Variants in FRK observed in about 807,000 individuals in gnomAD.
FRK encodes tyrosine-protein kinase FRK.
A neutral mutation model predicts 56.4 loss-of-function variants in FRK; 51 were observed. The observed-to-expected ratio is 0.90, with a 90% confidence interval of 0.72 to 1.14. The LOEUF is 1.14. Among genes scored for constraint, FRK ranks in the 50% most tolerant of loss-of-function variants. FRK has a pLI of 0.00. For synonymous variants in FRK, 245 were observed against 217.9 expected, an observed-to-expected ratio of 1.12 and a Z score of -1.10; for missense variants, 570 against 601.4, an observed-to-expected ratio of 0.95 and a Z score of 0.55.
At position 116,060,276 on chromosome 6, in the gene FRK, T is replaced by C; in HGVS notation, c.36A>G (p.Leu12=). The C allele has an allele frequency of 6.2e-7, 1 of 1,614,140 alleles. No homozygotes were observed. The highest frequency in any genetic ancestry group is 1.3e-5 in the African/African-American group (1 of 75,054). ...TGGACAAACAGGGGAGATAGGGTTCTAGGTACTCCCAGAGCCTCTGACAGA... is the reference window on the plus strand; with the variant it reads ...TGGACAAACAGGGGAGATAGGGTTCCAGGTACTCCCAGAGCCTCTGACAGA... ...SNICQRLWEY[L]EPYLPCLSTE... is the part of the protein sequence containing the mutation. Residue 12 remains leucine (L), a synonymous_variant, in exon 1 of 8, where the codon CTA becomes CTG. Transcript: ENST00000606080.
intron 5 of FRK, among the ~76,000 whole-genome samples, chr6:115,949,307 C>T (rs1350247419): frequency 2.0e-5 from 3 of 152,196 alleles, no homozygotes; most frequent in Non-Finnish European, 4.4e-5. Context: ...CTGGCCAGAA[C>T]TTCCAATACT....
chr6:116,028,365 G>A (rs923469759), intron 1 of FRK, among the ~76,000 whole-genome samples: 1 of 151,872 alleles, frequency 6.6e-6, no homozygotes, highest in Non-Finnish European at 1.5e-5. Context: ...TCTTAACATA[G>A]GGTGTGGACT....
At chr6:116,024,267 T>A (rs117302099) in intron 1 of FRK, among the ~76,000 whole-genome samples, 9,090 of 152,056 alleles carry the variant, frequency 0.06, 410 homozygotes, top group Admixed American at 0.14. Flanking sequence ...TTCATTTTTT[T>A]AATTATTATT....
chr6:116,092,022 T>A, the FRK span, among the ~76,000 whole-genome samples: 1 of 152,038 alleles, frequency 6.6e-6, no homozygotes, highest in Non-Finnish European at 1.5e-5. Context: ...TCCTCTTACC[T>A]CCATTCTCCG....
At chr6:115,976,579 C>A (rs12660288) in intron 2 of FRK, among the ~76,000 whole-genome samples, 6,538 of 152,178 alleles carry the variant, frequency 0.043, 349 homozygotes, top group Admixed American at 0.15. Context: ...TGGGCATAGC[C>A]TTATTCCTAC....
intron 1 of FRK, among the ~76,000 whole-genome samples, chr6:116,059,598 A>C (rs1210611112): frequency 6.6e-6 from 1 of 152,228 alleles, no homozygotes; most frequent in East Asian, 1.9e-4. Context: ...AGATTTGAGA[A>C]TATCATTAAG....
At position 115,945,296 on chromosome 6, in the gene FRK, C is replaced by A. The variant is rs555075778; in HGVS notation, c.959-871G>T. Among the ~76,000 whole-genome samples, 17 of 152,264 alleles carry A rather than the reference C, an allele frequency of 1.1e-4. No individual in the cohort carries two copies. The South Asian group carries it at 3.5e-3, about 32-fold the overall frequency. On this transcript the variant is annotated intron_variant, in intron 5 of 7. Coordinates refer to ENST00000606080, the MANE Select transcript of FRK (RefSeq NM_002031.3). ...ATTTGAGGAATGGCTGCACTGTCTT[C>A]CACAATGGTTGAACTAATGTACACT...
chr6:116,032,903 GC>G (rs1156443372), intron 1 of FRK, among the ~76,000 whole-genome samples: 1 of 151,664 alleles, frequency 6.6e-6, no homozygotes, highest in East Asian at 1.9e-4. Flanking sequence ...CCTGTGATAA[GC>G]AAAAAAATAA....
chr6:115,971,823 T>C (rs1420613934), intron 2 of FRK, among the ~76,000 whole-genome samples: 2 of 152,226 alleles, frequency 1.3e-5, no homozygotes, highest in Non-Finnish European at 2.9e-5. Flanking sequence ...AAACATGGTA[T>C]GGGTGCCTTC....
intron 1 of FRK, among the ~76,000 whole-genome samples, chr6:116,037,651 C>T (rs915299429): frequency 1.3e-5 from 2 of 152,172 alleles, no homozygotes; most frequent in Admixed American, 6.5e-5. Flanking sequence ...TATTCTCTAT[C>T]GTTTCTCACA....
At chr6:116,051,843 C>G (rs1019530485) in intron 1 of FRK, among the ~76,000 whole-genome samples, 3 of 152,000 alleles carry the variant, frequency 2.0e-5, no homozygotes, top group African/African-American at 7.2e-5. Flanking sequence ...TTAGAATGTA[C>G]AGTAAAAATC....
intron 1 of FRK, among the ~76,000 whole-genome samples, chr6:116,018,499 T>A (rs1562288405): frequency 6.6e-6 from 1 of 152,148 alleles, no homozygotes; most frequent in Non-Finnish European, 1.5e-5. Flanking sequence ...CAGTTATATT[T>A]GTGTTTTAAA....
chr6:116,066,145 A>G, the FRK span, among the ~76,000 whole-genome samples: 1 of 152,194 alleles, frequency 6.6e-6, no homozygotes, highest in African/African-American at 2.4e-5. Context: ...CATTTGAATC[A>G]GTGGGCTGGG....
At chr6:116,010,886 G>A (rs1012527172) in intron 1 of FRK, among the ~76,000 whole-genome samples, 15 of 152,138 alleles carry the variant, frequency 9.9e-5, no homozygotes, top group Admixed American at 2.0e-4. Context: ...GCTGGGACAC[G>A]AGTGAATATG....
intron 4 of FRK, among the ~76,000 whole-genome samples, chr6:115,958,643 GAAAA>G (rs1773121578): frequency 7.9e-5 from 3 of 38,098 alleles, no homozygotes; most frequent in Non-Finnish European, 1.6e-4. Flanking sequence ...AGGAAAGAAA[GAAAA>G]GAAAGAAAGA....
At chr6:115,967,242 C>A (rs564948131) in intron 4 of FRK, among the ~76,000 whole-genome samples, 2 of 152,238 alleles carry the variant, frequency 1.3e-5, no homozygotes, top group African/African-American at 4.8e-5. Flanking sequence ...AAGTCAATAT[C>A]TTTTAACTAA....
chr6:116,068,848 C>A, the FRK span, among the ~76,000 whole-genome samples: 10 of 150,588 alleles, frequency 6.6e-5, no homozygotes, highest in Admixed American at 4.0e-4. Context: ...AAAAAAAAAA[C>A]TTTTTAAAGC....
At chr6:115,958,644 A>AAAAGAAAAAG (rs1773122966) in intron 4 of FRK, among the ~76,000 whole-genome samples, 1 of 3,818 alleles carries the variant, frequency 2.6e-4, no homozygotes, top group African/African-American at 7.3e-4. Flanking sequence ...GGAAAGAAAG[A>AAAAGAAAAAG]AAAGAAAGAA....
At chr6:116,013,707 A>G (rs529183832) in intron 1 of FRK, among the ~76,000 whole-genome samples, 6 of 152,146 alleles carry the variant, frequency 3.9e-5, no homozygotes, top group Non-Finnish European at 7.4e-5. Context: ...GGGACACTAT[A>G]TGGTTATACA....
Sources: allele counts gnomAD v4.1 joint callset (sites outside exome capture counted in the v4.1 genomes callset), GRCh38; gene constraint gnomAD v4.1.1; transcripts MANE v1.5; gene names NCBI Gene and HGNC (gene_info 2026-07-23, HGNC 2026-07-21).